TRIM54: variants seen among roughly 807,000 people sequenced by gnomAD.
The protein encoded by TRIM54 is tripartite motif-containing protein 54.
Under a neutral mutation model 42.0 loss-of-function variants are expected in TRIM54, and 40 were observed. The observed-to-expected ratio is 0.95, with a 90% CI of 0.74 to 1.24. TRIM54 has a LOEUF of 1.24. Among genes scored for constraint, TRIM54 ranks in the 50% most tolerant of loss-of-function variants. TRIM54 has a pLI of 0.00. For synonymous variants in TRIM54, 199 were observed against 194.9 expected, an observed-to-expected ratio of 1.02 and a Z score of -0.17; for missense variants, 485 against 480.3, an observed-to-expected ratio of 1.01 and a Z score of -0.09.
intron 3 of TRIM54, among the ~76,000 whole-genome samples, chr2:27,303,141 C>T (rs1049410213): frequency 6.6e-6 from 1 of 152,130 alleles, no homozygotes; most frequent in Non-Finnish European, 1.5e-5. Flanking sequence ...AAGCAGAACC[C>T]TGAGTGGCAA....
intron 1 of TRIM54, among the ~76,000 whole-genome samples, chr2:27,294,184 A>C (rs1025990935): frequency 1.3e-4 from 20 of 152,078 alleles, no homozygotes; most frequent in Admixed American, 9.8e-4. Context: ...GCTGTAGTGC[A>C]GTGGCATGAT....
At position 27,306,360 on chromosome 2, in the gene TRIM54, G is replaced by A. The variant is rs370033022; in HGVS notation, c.991+23G>A. On this transcript the variant is annotated intron_variant, in intron 7 of 8. Transcript: ENST00000380075. This position sits in a 1 kb window ranked among gnomAD's most constrained non-coding sequence, Gnocchi z 6.1. ...CAGGTGAAGGAGGTGGCCGAGGGCC[G>A]CTGAGACGGGTTCGGACCCTCTGTG... 9.3e-6 allele frequency: 15 copies of A among 1,613,994 alleles called. No homozygotes were observed. Among genetic ancestry groups the A allele is most frequent in the East Asian group, 4.5e-5 (2 of 44,874 alleles).
In TRIM54 at chr2:27,307,249, G is replaced by T; in HGVS notation, c.*364G>T. Reference sequence around the variant, plus strand: ...AGGTCCTGGGGATTTGGGGACCCTTGGGGTCCACATGCACCTGGCTGACCT... The same window carrying T: ...AGGTCCTGGGGATTTGGGGACCCTTTGGGTCCACATGCACCTGGCTGACCT... On this transcript the variant is annotated 3_prime_UTR_variant, in exon 9 of 9. Coordinates refer to ENST00000380075, the MANE Select transcript of TRIM54 (RefSeq NM_187841.3). This position sits in a 1 kb window ranked among gnomAD's most constrained non-coding sequence, Gnocchi z 6.9. 1 of 534,402 alleles carries T rather than the reference G, an allele frequency of 1.9e-6. No individual in the cohort carries two copies. Among genetic ancestry groups the T allele is most frequent in the Non-Finnish European group, 3.3e-6 (1 of 302,594 alleles). The allele number at this position is 534,402 out of a possible 1,614,324, so 33.1% of individuals were successfully genotyped here.
chr2:27,306,463 CG>C lies in TRIM54; in HGVS notation c.1003del (p.Glu335ArgfsTer38). On this transcript the variant is annotated frameshift_variant, in exon 8 of 9. Coordinates refer to ENST00000380075, the MANE Select transcript of TRIM54 (RefSeq NM_187841.3). LOFTEE classifies it high-confidence loss of function. The surrounding 1 kb of genome is among the most constrained non-coding windows in gnomAD (Gnocchi z 6.1). ...RTIDFQPGAS[G>X]EEEEVAPDGE... ...GGCCTTCCTTGGGCTCAGGCGCTTC[CG>C]GGGAGGAAGAGGAGGTGGCCCCAGA... 6.3e-7 allele frequency: 1 copy of C among 1,596,484 alleles called. No homozygotes were observed. Among genetic ancestry groups the C allele is most frequent in the Non-Finnish European group, 8.5e-7 (1 of 1,171,346 alleles).
At chr2:27,298,152 C>T (rs897742497) in intron 1 of TRIM54, among the ~76,000 whole-genome samples, 4 of 152,144 alleles carry the variant, frequency 2.6e-5, no homozygotes, top group Non-Finnish European at 5.9e-5. Flanking sequence ...CCCAGGACTG[C>T]AGAGAATCTC....
At chr2:27,284,772 A>G (rs1301287887) in intron 1 of TRIM54, among the ~76,000 whole-genome samples, 2 of 152,150 alleles carry the variant, frequency 1.3e-5, no homozygotes, top group African/African-American at 4.8e-5. Context: ...GAAAGCAAAG[A>G]GAAGTTTTGA....
chr2:27,288,004 C>T (rs1678624348), intron 1 of TRIM54, among the ~76,000 whole-genome samples: 1 of 152,360 alleles, frequency 6.6e-6, no homozygotes, highest in Middle Eastern at 3.4e-3. Context: ...GGTTTACCAG[C>T]CCCTTGGGCC....
At position 27,306,641 on chromosome 2, in the gene TRIM54, T is replaced by TTAAGGTGAGAG; in HGVS notation, c.*1+99_*1+100insTAAGGTGAGAG. The TTAAGGTGAGAG allele has an allele frequency of 8.0e-7, 1 of 1,244,932 alleles. No individual in the cohort carries two copies. The highest frequency in any genetic ancestry group is 2.6e-5 in the East Asian group (1 of 39,178). 77.1% of individuals were successfully genotyped at this position (1,244,932 alleles called of 1,614,324 possible). On this transcript the variant is annotated intron_variant, in intron 8 of 8. Transcript: ENST00000380075. This position sits in a 1 kb window ranked among gnomAD's most constrained non-coding sequence, Gnocchi z 6.1. Reference sequence around the variant, plus strand: ...GCGTCCCCTCCCCCAGTGATTGCCCTCCCTGCGGGTAGCGTGGAGCCCCCA... The same window carrying TTAAGGTGAGAG: ...GCGTCCCCTCCCCCAGTGATTGCCCTTAAGGTGAGAGCCCTGCGGGTAGCGTGGAGCCCCCA...
At position 27,298,704 on chromosome 2, in the gene TRIM54, G is replaced by A. The variant is rs750346891; in HGVS notation, c.306G>A (p.Glu102=). 2 of 1,614,152 alleles carry A rather than the reference G, an allele frequency of 1.2e-6. No individual in the cohort carries two copies. The highest frequency in any genetic ancestry group is 8.5e-7 in the Non-Finnish European group (1 of 1,180,002). Reference sequence around the variant, plus strand: ...GCCTGCAGCGAAACCTGCTAGTGGAGAACATTATCGACATTTACAAGCAGG... The same window carrying A: ...GCCTGCAGCGAAACCTGCTAGTGGAAAACATTATCGACATTTACAAGCAGG... ...VYGLQRNLLV[E]NIIDIYKQES... Residue 102 remains glutamate (E), a synonymous_variant, in exon 2 of 9, where the codon GAG becomes GAA. Coordinates refer to ENST00000380075, the MANE Select transcript of TRIM54 (RefSeq NM_187841.3).
intron 3 of TRIM54, 110 bp from the exon 4 acceptor site, chr2:27,304,849 T>C (rs1558590920): frequency 1.3e-6 from 1 of 798,498 alleles, no homozygotes. Flanking sequence ...GATGCCCTTA[T>C]GGGGGGTGAG....
chr2:27,306,042 C>T lies in TRIM54; in HGVS notation c.844-38C>T, dbSNP rs1272680609. On this transcript the variant is annotated intron_variant, in intron 5 of 8. Transcript: ENST00000380075. This position sits in a 1 kb window ranked among gnomAD's most constrained non-coding sequence, Gnocchi z 6.1. The stretch of plus-strand genomic sequence containing the variant: ...AGAAATGGGACTTTGCCCAGGTTGG[C>T]CCAGTGCTTACTCTCACCCTCCTTT... 4 of 1,612,738 alleles carry T rather than the reference C, an allele frequency of 2.5e-6. No homozygotes were observed. The highest frequency in any genetic ancestry group is 2.5e-6 in the Non-Finnish European group (3 of 1,179,640).
chr2:27,305,442 G>A, intron 4 of TRIM54, 142 bp from the exon 5 acceptor site: 1 of 653,940 alleles, frequency 1.5e-6, no homozygotes, highest in Non-Finnish European at 2.7e-6. Flanking sequence ...AAAGATCTGG[G>A]CTGGGTTCTG....
chr2:27,303,887 T>A (rs965035118), intron 3 of TRIM54, among the ~76,000 whole-genome samples: 5 of 152,030 alleles, frequency 3.3e-5, no homozygotes, highest in African/African-American at 4.8e-5. Context: ...AGATGAAAAA[T>A]TTTAAAAACC....
At position 27,306,458 on chromosome 2, in the gene TRIM54, G is replaced by T. The variant is rs772619318; in HGVS notation, c.994G>T (p.Ala332Ser). The T allele has an allele frequency of 1.3e-6, 2 of 1,598,374 alleles. No individual in the cohort carries two copies. Residue 332 changes from alanine to serine, a missense_variant and splice_region_variant, in exon 8 of 9, where the codon GCT (alanine) becomes TCT (serine). By Grantham distance (99) the Ala-to-Ser change is moderately conservative. Transcript: ENST00000380075. This position sits in a 1 kb window ranked among gnomAD's most constrained non-coding sequence, Gnocchi z 6.1. Reference sequence around the variant, plus strand: ...CACCAGGCCTTCCTTGGGCTCAGGCGCTTCCGGGGAGGAAGAGGAGGTGGC... The same window carrying T: ...CACCAGGCCTTCCTTGGGCTCAGGCTCTTCCGGGGAGGAAGAGGAGGTGGC... ...MLRTIDFQPG[A>S]SGEEEEVAPD...
Position 27,306,577 on chromosome 2 carries a change from G to A in TRIM54, c.*1+35G>A, listed in dbSNP as rs1363971606. On this transcript the variant is annotated intron_variant, in intron 8 of 8. Transcript: ENST00000380075. This position sits in a 1 kb window ranked among gnomAD's most constrained non-coding sequence, Gnocchi z 6.1. ...GCCCGATGGGCCTTAAGGTGAGAGC[G>A]GCCTGAGGGGCTTGGGGTGGGGCCT... The A allele has an allele frequency of 4.7e-6, 7 of 1,496,264 alleles. No homozygotes were observed. In the East Asian group the frequency reaches 1.7e-4, roughly 37 times the overall value. 92.7% of individuals were successfully genotyped at this position (1,496,264 alleles called of 1,614,324 possible). A position where few individuals can be genotyped will look rare whatever the true frequency, so the allele number is the denominator to read the frequency against.
rs1410220351 is a variant in TRIM54, at chr2:27,305,736, C to T, written c.762C>T (p.Gly254=). ...QRVRGLIRQY[G]DHLEASSKLV... is the part of the protein sequence containing the mutation. ...TCCGCGGCCTCATCCGTCAGTATGG[C>T]GACCACCTGGAGGCCTCCTCTAAGC... The change falls in exon 5 of 9, where the codon GGC becomes GGT. Residue 254 remains glycine, a synonymous_variant. Transcript: ENST00000380075. 5.0e-6 allele frequency: 8 copies of T among 1,611,748 alleles called. No individual in the cohort carries two copies. The highest frequency in any genetic ancestry group is 2.7e-5 in the African/African-American group (2 of 74,996).
intron 1 of TRIM54, among the ~76,000 whole-genome samples, chr2:27,291,999 A>T (rs1380628784): frequency 6.6e-6 from 1 of 151,994 alleles, no homozygotes; most frequent in African/African-American, 2.4e-5. Flanking sequence ...GAGCTCACAC[A>T]CTCCCGATTT....
At chr2:27,305,415 T>C (rs1386023519) in intron 4 of TRIM54, 169 bp from the exon 5 acceptor site, 3 of 613,780 alleles carry the variant, frequency 4.9e-6, no homozygotes, top group Non-Finnish European at 8.7e-6. Context: ...TTTAAAGCAT[T>C]GTGTTTTTAT....
chr2:27,291,691 A>G (rs1678725127), intron 1 of TRIM54, among the ~76,000 whole-genome samples: 1 of 152,240 alleles, frequency 6.6e-6, no homozygotes, highest in Non-Finnish European at 1.5e-5. Flanking sequence ...ATGTATGTAA[A>G]TATTGGCCAG....
Sources: gnomAD v4.1 joint callset for allele counts (sites outside exome capture counted in the v4.1 genomes callset) on GRCh38, gnomAD v4.1.1 for gene constraint, Gnocchi (gnomAD v3.1) non-coding constraint, MANE v1.5 for transcripts, NCBI Gene and HGNC (gene_info 2026-07-23, HGNC 2026-07-21) for gene names.